The following PLCG2 variants were observed in gnomAD, a reference collection of about 807,000 sequenced individuals.
PLCG2 encodes phospholipase C gamma 2, also known as 1-phosphatidylinositol 4,5-bisphosphate phosphodiesterase gamma-2.
A neutral mutation model predicts 175.6 loss-of-function variants in PLCG2; 69 were observed. The observed-to-expected ratio is 0.39, with a 90% CI of 0.32 to 0.48. PLCG2 has a LOEUF of 0.48. Ranked by LOEUF, PLCG2 falls within the 20% of genes least tolerant of loss-of-function variation. The pLI, the probability that PLCG2 is intolerant of heterozygous loss-of-function variation, is 0.91. For synonymous variants in PLCG2, 827 were observed against 624.0 expected (o/e 1.33, Z -4.85); for missense variants, 1,798 against 1,650.9 (o/e 1.09, Z -1.54).
intron 2 of PLCG2, among the ~76,000 whole-genome samples, chr16:81,839,884 C>G (rs1202030333): frequency 6.6e-6 from 1 of 152,140 alleles, no homozygotes; most frequent in South Asian, 2.1e-4. Flanking sequence ...GACCTTGTCT[C>G]TACTAAAAAG....
chr16:81,889,182 C>T lies in PLCG2; in HGVS notation c.776C>T (p.Ala259Val). Reference protein sequence around the residue: ...FLIHEQQEHWAQDLNKVRERM... With the variant: ...FLIHEQQEHWVQDLNKVRERM... ...CTTTGTCATTTTAAGGAGCATTGGG[C>T]TCAGGATCTGAACAAAGTCCGTGAG... The change falls in exon 10 of 33, where the codon GCT becomes GTT. Residue 259 changes from alanine to valine, a missense_variant. Coordinates refer to ENST00000564138, the MANE Select transcript of PLCG2 (RefSeq NM_002661.5). 6.3e-7 allele frequency: 1 copy of T among 1,593,522 alleles called. No homozygotes were observed. Among genetic ancestry groups the T allele is most frequent in the Non-Finnish European group, 8.6e-7 (1 of 1,165,560 alleles).
intron 2 of PLCG2, among the ~76,000 whole-genome samples, chr16:81,806,029 G>T (rs1477559545): frequency 6.6e-6 from 1 of 151,876 alleles, no homozygotes; most frequent in Admixed American, 6.6e-5. Flanking sequence ...ATTTAACTCA[G>T]TATATCCAAA....
At chr16:81,828,518 G>A (rs971461375) in intron 2 of PLCG2, among the ~76,000 whole-genome samples, 6 of 152,070 alleles carry the variant, frequency 3.9e-5, no homozygotes, top group Admixed American at 3.9e-4. Context: ...GATTACAGGC[G>A]TGAGCCACCG....
At chr16:81,943,686 A>G (rs1911043158) in intron 30 of PLCG2, among the ~76,000 whole-genome samples, 1 of 152,236 alleles carries the variant, frequency 6.6e-6, no homozygotes, top group African/African-American at 2.4e-5. Flanking sequence ...TCACATTTGC[A>G]TTAATGTTGG....
intron 2 of PLCG2, among the ~76,000 whole-genome samples, chr16:81,805,046 A>T (rs1911930949): frequency 6.6e-6 from 1 of 152,174 alleles, no homozygotes; most frequent in African/African-American, 2.4e-5. Context: ...AAGGTTACCA[A>T]AGTTTTCAGA....
intron 2 of PLCG2, among the ~76,000 whole-genome samples, chr16:81,761,960 T>A (rs1910050864): frequency 6.6e-6 from 1 of 151,698 alleles, no homozygotes; most frequent in Non-Finnish European, 1.5e-5. Context: ...GTTTCCCAAG[T>A]AGTTGGGACT....
chr16:81,938,763 C>A, intron 28 of PLCG2, 38 bp from the exon 29 acceptor site: 1 of 1,323,490 alleles, frequency 7.6e-7, no homozygotes, highest in Non-Finnish European at 1.1e-6. Context: ...CTGTTCAGGA[C>A]CCCAGGGGGG....
chr16:81,829,138 T>A (rs8061846), intron 2 of PLCG2, among the ~76,000 whole-genome samples: 55,927 of 151,912 alleles, frequency 0.37, 11,086 homozygotes, highest in African/African-American at 0.53. Flanking sequence ...AGACGGAGTC[T>A]GGCTCTGTCA....
At chr16:81,840,856 ATC>A (rs1333694768) in intron 2 of PLCG2, among the ~76,000 whole-genome samples, 1 of 152,148 alleles carries the variant, frequency 6.6e-6, no homozygotes, top group Non-Finnish European at 1.5e-5. Context: ...TTGGGGGTGG[ATC>A]CAGCTAGAAC....
intron 2 of PLCG2, 131 bp from the exon 3 acceptor site, chr16:81,854,313 G>C: frequency 2.5e-6 from 2 of 801,706 alleles, no homozygotes; most frequent in East Asian, 2.5e-5. Context: ...GAGTCCAGAC[G>C]CAGAGATAGC....
intron 16 of PLCG2, 57 bp from the exon 17 acceptor site, chr16:81,908,359 G>C: frequency 6.6e-7 from 1 of 1,504,336 alleles, no homozygotes; most frequent in Non-Finnish European, 9.2e-7. Flanking sequence ...GACCTGTCTA[G>C]TGATGCTGGG....
chr16:81,952,551 T>C (rs1911409107), intron 31 of PLCG2, among the ~76,000 whole-genome samples: 1 of 152,054 alleles, frequency 6.6e-6, no homozygotes, highest in South Asian at 2.1e-4. Flanking sequence ...TGGAAGCACA[T>C]CAAAGGGGCC....
At chr16:81,898,790 G>C (rs1169147073) in intron 13 of PLCG2, 2 of 152,150 alleles carry the variant, frequency 1.3e-5, no homozygotes, top group Non-Finnish European at 2.9e-5. Flanking sequence ...AGGTGATATG[G>C]TGTGGTGATG....
rs190237755 is a variant in PLCG2, at chr16:81,945,655, G to A, written c.3482-520G>A. Among the ~76,000 whole-genome samples the A allele has an allele frequency of 6.1e-4, 93 of 152,300 alleles. 1 individual carries two copies. Among genetic ancestry groups the A allele is most frequent in the Admixed American group, 5.9e-3 (91 of 15,302 alleles). On this transcript the variant is annotated intron_variant, in intron 30 of 32. Transcript: ENST00000564138. ...AACATTTAAATGACTGTGAAAGACAGGTCCTAATTGTAAAGAGGGAATGGC... is the reference window on the plus strand; with the variant it reads ...AACATTTAAATGACTGTGAAAGACAAGTCCTAATTGTAAAGAGGGAATGGC...
chr16:81,943,698 A>T (rs1254510321), intron 30 of PLCG2, among the ~76,000 whole-genome samples: 3 of 152,230 alleles, frequency 2.0e-5, no homozygotes, highest in Non-Finnish European at 2.9e-5. Flanking sequence ...TAATGTTGGC[A>T]TATCACTGGG....
intron 31 of PLCG2, among the ~76,000 whole-genome samples, chr16:81,948,408 T>C (rs1021869687): frequency 6.6e-6 from 1 of 151,810 alleles, no homozygotes; most frequent in Non-Finnish European, 1.5e-5. Flanking sequence ...TTGAGAAAAC[T>C]GGCTGCCCCA....
chr16:81,858,345 C>G lies in PLCG2; in HGVS notation c.420C>G (p.Thr140=), dbSNP rs1467248114. 1.9e-6 allele frequency: 3 copies of G among 1,612,682 alleles called. No homozygotes were observed. In the Admixed American group the frequency reaches 5.0e-5, roughly 27 times the overall value. The part of the protein sequence containing the change: ...HQEAMNASTP[T]IIESWLRKQI... The stretch of plus-strand genomic sequence containing the variant: ...AAGCGATGAATGCGTCCACGCCCAC[C>G]ATTATCGAGAGGTAGTTGGCTTTTG... Residue 140 remains threonine, a synonymous_variant, in exon 4 of 33, where the codon ACC becomes ACG. Coordinates refer to ENST00000564138, the MANE Select transcript of PLCG2 (RefSeq NM_002661.5).
intron 26 of PLCG2, 76 bp from the exon 27 acceptor site, chr16:81,936,093 C>T (rs572189073): frequency 1.3e-5 from 21 of 1,568,528 alleles, no homozygotes; most frequent in Middle Eastern, 1.7e-4. Context: ...TCTGAGCATC[C>T]AGCCATTGCA....
intron 13 of PLCG2, chr16:81,898,581 C>G (rs11647768): frequency 2.0e-5 from 3 of 151,924 alleles, no homozygotes; most frequent in South Asian, 2.1e-4. Flanking sequence ...TATTGAGTGA[C>G]GTGATTTCCT....
Sources: allele counts gnomAD v4.1 joint callset (sites outside exome capture counted in the v4.1 genomes callset), GRCh38; gene constraint gnomAD v4.1.1; transcripts MANE v1.5; gene names NCBI Gene and HGNC (gene_info 2026-07-23, HGNC 2026-07-21).